VWA3B: variants seen among roughly 807,000 people sequenced by gnomAD.
The protein encoded by VWA3B is von Willebrand factor A domain-containing protein 3B.
VWA3B carries 138 observed loss-of-function variants against 158.3 expected under a neutral mutation model. The ratio of observed to expected loss-of-function variants is 0.87; its 90% CI spans 0.76 to 1.00. The LOEUF (loss-of-function observed/expected upper bound fraction) is 1.00. Among genes scored for constraint, VWA3B ranks in the 50% least tolerant of loss-of-function variants. The probability of loss-of-function intolerance (pLI) is 0.00; values close to 1 mark genes in which losing one functional copy is unlikely to be tolerated. For missense variants in VWA3B, 1,555 were observed against 1,565.1 expected (o/e 0.99, Z 0.11); for synonymous variants, 596 against 587.3 (o/e 1.01, Z -0.21).
chr2:98,094,229 A>G (rs1313887978), intron 2 of VWA3B, among the ~76,000 whole-genome samples: 3 of 152,168 alleles, frequency 2.0e-5, no homozygotes, highest in African/African-American at 7.2e-5. Context: ...ACTGCTTTCC[A>G]TAATAGCTAT....
chr2:98,281,790 G>A (rs1266938552), intron 22 of VWA3B, among the ~76,000 whole-genome samples: 1 of 152,122 alleles, frequency 6.6e-6, no homozygotes, highest in African/African-American at 2.4e-5. Flanking sequence ...TGTAGACAAG[G>A]CTAAATCAAA....
chr2:98,321,563 C>T, the VWA3B span, among the ~76,000 whole-genome samples: 8 of 152,194 alleles, frequency 5.3e-5, no homozygotes, highest in East Asian at 7.7e-4. Context: ...GGATGTGAGA[C>T]GTGGAGTGAA....
In VWA3B at chr2:98,179,883, C is replaced by T. The variant is rs1238514349; in HGVS notation, c.1115-1133C>T. ...CTTTCTTCTCTCTCCTTCCTCCCTC[C>T]CTCTCTCTCTTTCTTTCTCTTTCTT... is the stretch of plus-strand genomic sequence containing the variant. On this transcript the variant is annotated intron_variant, in intron 8 of 27. Transcript: ENST00000477737. Among the ~76,000 whole-genome samples, 3 of 132,656 alleles carry T rather than the reference C, an allele frequency of 2.3e-5. No individual in the cohort carries two copies. The East Asian group carries it at 6.7e-4, about 30-fold the overall frequency. 87.0% of individuals were successfully genotyped at this position (132,656 alleles called of 152,430 possible). A position where few individuals can be genotyped will look rare whatever the true frequency, so the allele number is the denominator to read the frequency against.
intron 23 of VWA3B, among the ~76,000 whole-genome samples, chr2:98,294,159 G>A (rs979558230): frequency 8.8e-6 from 1 of 113,380 alleles, no homozygotes; most frequent in South Asian, 3.0e-4. Flanking sequence ...TAGATCACCT[G>A]TTCACTGTGA....
the VWA3B span, among the ~76,000 whole-genome samples, chr2:98,320,978 A>G: frequency 2.0e-5 from 3 of 152,168 alleles, no homozygotes; most frequent in African/African-American, 7.2e-5. Flanking sequence ...CGTAGGACGG[A>G]AAAAATGGTT....
intron 24 of VWA3B, among the ~76,000 whole-genome samples, chr2:98,298,287 G>A (rs1464757454): frequency 2.0e-5 from 3 of 152,278 alleles, no homozygotes; most frequent in South Asian, 2.1e-4. Flanking sequence ...TGCACCTTGA[G>A]GTCCTTGTCC....
At chr2:98,100,816 G>A (rs2104848896) in intron 2 of VWA3B, among the ~76,000 whole-genome samples, 1 of 152,224 alleles carries the variant, frequency 6.6e-6, no homozygotes, top group East Asian at 1.9e-4. Context: ...GGTGATGCAG[G>A]TAAGGTAAAA....
rs1052167655 is a variant in VWA3B, at chr2:98,160,934, C to A, written c.989-1917C>A. 5.3e-5 allele frequency among the ~76,000 whole-genome samples: 8 copies of A among 152,212 alleles called. No individual in the cohort carries two copies. The East Asian group carries it at 7.7e-4, about 15-fold the overall frequency. ...TTTGTCCCACTTCAAGAGGCTAGAACTTTGATGTCCCTTTTTTCTGCCCTA... is the reference window on the plus strand; with the variant it reads ...TTTGTCCCACTTCAAGAGGCTAGAAATTTGATGTCCCTTTTTTCTGCCCTA... On this transcript the variant is annotated intron_variant, in intron 7 of 27. Transcript: ENST00000477737.
intron 26 of VWA3B, among the ~76,000 whole-genome samples, chr2:98,308,112 A>T (rs1349373712): frequency 1.3e-5 from 2 of 152,166 alleles, no homozygotes; most frequent in Non-Finnish European, 2.9e-5. Flanking sequence ...GACTTTTTTT[A>T]AAAAAACAAG....
intron 7 of VWA3B, among the ~76,000 whole-genome samples, chr2:98,136,379 G>A (rs534628864): frequency 6.6e-6 from 1 of 152,132 alleles, no homozygotes; most frequent in Non-Finnish European, 1.5e-5. Context: ...AACTTCCTAT[G>A]TCTATGTCTG....
chr2:98,216,983 C>CCCA (rs1553417722), intron 13 of VWA3B: 153 of 1,162,052 alleles, frequency 1.3e-4, no homozygotes, highest in Middle Eastern at 3.5e-4. Context: ...ATTGTAAGCA[C>CCCA]CCGCCCCGCA....
chr2:98,128,541 GTC>G (rs2105014911), intron 6 of VWA3B, 133 bp downstream of exon 6: 2 of 881,528 alleles, frequency 2.3e-6, no homozygotes, highest in Non-Finnish European at 3.4e-6. Flanking sequence ...ATATTATTTA[GTC>G]TCTCTGCATC....
chr2:98,292,346 A>C (rs1689547133), intron 23 of VWA3B, among the ~76,000 whole-genome samples: 1 of 152,210 alleles, frequency 6.6e-6, no homozygotes, highest in Non-Finnish European at 1.5e-5. Flanking sequence ...ATAATATTTT[A>C]GGTGGGAAAA....
At chr2:98,123,304 G>A (rs773480762) in intron 5 of VWA3B, among the ~76,000 whole-genome samples, 15 of 152,168 alleles carry the variant, frequency 9.9e-5, no homozygotes, top group South Asian at 2.1e-4. Flanking sequence ...CTCCATGAGC[G>A]GGTGCTGAGA....
chr2:98,123,149 C>T (rs1251389898), intron 5 of VWA3B, among the ~76,000 whole-genome samples: 2 of 152,220 alleles, frequency 1.3e-5, no homozygotes, highest in African/African-American at 2.4e-5. Flanking sequence ...CTGTCATGCC[C>T]ATCCCAGCGA....
In VWA3B at chr2:98,303,686, G is replaced by A; in HGVS notation, c.3421-16G>A. Reference sequence around the variant, plus strand: ...TTCTGATTTAAGTTGAGTGAACTCTGTTGGTATTATTACAGGAATTTTGCC... The same window carrying A: ...TTCTGATTTAAGTTGAGTGAACTCTATTGGTATTATTACAGGAATTTTGCC... On this transcript the variant is annotated splice_polypyrimidine_tract_variant and intron_variant, in intron 25 of 27. Coordinates refer to ENST00000477737, the MANE Select transcript of VWA3B (RefSeq NM_144992.5). 1 of 1,610,920 alleles carries A rather than the reference G, an allele frequency of 6.2e-7. No individual in the cohort carries two copies. Among genetic ancestry groups the A allele is most frequent in the Non-Finnish European group, 8.5e-7 (1 of 1,177,126 alleles).
chr2:98,122,728 T>C (rs777547512), intron 5 of VWA3B, among the ~76,000 whole-genome samples: 23 of 152,212 alleles, frequency 1.5e-4, no homozygotes, highest in Middle Eastern at 6.3e-3. Flanking sequence ...CTGACCTGAC[T>C]GCAGGATCCG....
intron 8 of VWA3B, among the ~76,000 whole-genome samples, chr2:98,169,476 A>G (rs1454201093): frequency 6.6e-6 from 1 of 152,216 alleles, no homozygotes; most frequent in Non-Finnish European, 1.5e-5. Context: ...AAAAAGAAGA[A>G]CAAAGAACAG....
At chr2:98,253,719 T>C (rs1389372731) in intron 20 of VWA3B, among the ~76,000 whole-genome samples, 1 of 152,138 alleles carries the variant, frequency 6.6e-6, no homozygotes, top group African/African-American at 2.4e-5. Context: ...GAGTCAACTC[T>C]TGGCACAAGC....
Sources: gnomAD v4.1 joint callset for allele counts (sites outside exome capture counted in the v4.1 genomes callset) on GRCh38, gnomAD v4.1.1 for gene constraint, MANE v1.5 for transcripts, NCBI Gene and HGNC (gene_info 2026-07-23, HGNC 2026-07-21) for gene names.